The following RASGRF1 variants were observed in gnomAD, a reference collection of about 807,000 sequenced individuals.
RASGRF1 encodes the protein Ras protein specific guanine nucleotide releasing factor 1, also known as ras-specific guanine nucleotide-releasing factor 1.
In RASGRF1, 40 loss-of-function variants were observed where a neutral mutation model predicts 138.7. The ratio of observed to expected loss-of-function variants is 0.29; its 90% confidence interval spans 0.22 to 0.38. The LOEUF (loss-of-function observed/expected upper bound fraction) is 0.38. Among genes scored for constraint, RASGRF1 ranks in the 10% least tolerant of loss-of-function variants. RASGRF1 has a pLI of 1.00. For synonymous variants in RASGRF1, 614 were observed against 663.2 expected (o/e 0.93, Z 1.14); for missense variants, 1,108 against 1,650.4 (o/e 0.67, Z 5.69).
intron 17 of RASGRF1, among the ~76,000 whole-genome samples, chr15:78,999,464 G>C (rs2056469120): frequency 6.6e-6 from 1 of 152,160 alleles, no homozygotes; most frequent in African/African-American, 2.4e-5. Context: ...GCCCCAACCA[G>C]TGCAGAGAGG....
intron 5 of RASGRF1, among the ~76,000 whole-genome samples, chr15:79,035,884 C>G (rs944288645): frequency 1.3e-5 from 2 of 152,222 alleles, no homozygotes; most frequent in African/African-American, 4.8e-5. Context: ...TGTTTGGAAT[C>G]AAAGTCAGAG....
At chr15:78,999,473 G>A (rs1426759421) in intron 17 of RASGRF1, among the ~76,000 whole-genome samples, 3 of 152,146 alleles carry the variant, frequency 2.0e-5, no homozygotes, top group African/African-American at 7.2e-5. Flanking sequence ...AGTGCAGAGA[G>A]GTGGGGGTTG....
intron 5 of RASGRF1, among the ~76,000 whole-genome samples, chr15:79,039,552 T>C (rs912249794): frequency 1.3e-5 from 2 of 152,176 alleles, no homozygotes; most frequent in Non-Finnish European, 2.9e-5. Flanking sequence ...TAGGCTGCAC[T>C]TTGATTGGTA....
intron 1 of RASGRF1, among the ~76,000 whole-genome samples, chr15:79,070,754 A>AT (rs958594113): frequency 6.6e-6 from 1 of 152,182 alleles, no homozygotes; most frequent in African/African-American, 2.4e-5. Flanking sequence ...TTTTATTAAT[A>AT]TTTTTAATAA....
At position 78,962,169 on chromosome 15, in the gene RASGRF1, C is replaced by A; in HGVS notation, c.3749G>T (p.Arg1250Leu). Residue 1250 changes from arginine to leucine, a missense_variant, in exon 27 of 27, where the codon CGA (arginine) becomes CTA (leucine). Physicochemically the swap from Arg to Leu is moderately radical, Grantham distance 102. This residue lies in a region of RASGRF1 where 686 missense variants were observed against 976.7 expected (regional missense o/e 0.70). Coordinates refer to ENST00000558480, the MANE Select transcript of RASGRF1 (RefSeq NM_001145648.3). The stretch of plus-strand genomic sequence containing the variant: ...TCAGGTGGGGAGTTTTGGTTCTATT[C>A]GGAGAGAAGACTCGTAGAGGCTTTC... ...DEESLYESSL[R>L]IEPKLPT The A allele has an allele frequency of 5.7e-6, 9 of 1,585,890 alleles. No homozygotes were observed. The highest frequency in any genetic ancestry group is 1.3e-5 in the African/African-American group (1 of 74,326).
intron 1 of RASGRF1, among the ~76,000 whole-genome samples, chr15:79,070,530 G>A (rs2057741302): frequency 6.6e-6 from 1 of 152,228 alleles, no homozygotes; most frequent in Admixed American, 6.5e-5. Context: ...AATGACAGGT[G>A]TAGGTGGCAT....
At chr15:79,025,193 T>C (rs2057029166) in intron 10 of RASGRF1, 121 bp downstream of exon 10, 1 of 1,126,258 alleles carries the variant, frequency 8.9e-7, no homozygotes, top group Non-Finnish European at 1.2e-6. Context: ...TCTGTGTGTG[T>C]GTGCATGCAC....
At chr15:79,040,748 G>A (rs2057287334) in intron 5 of RASGRF1, among the ~76,000 whole-genome samples, 2 of 152,162 alleles carry the variant, frequency 1.3e-5, no homozygotes, top group African/African-American at 4.8e-5. Flanking sequence ...TTTATCATAT[G>A]TTCTATAACA....
At chr15:79,078,942 C>G (rs962777535) in intron 1 of RASGRF1, among the ~76,000 whole-genome samples, 1 of 152,246 alleles carries the variant, frequency 6.6e-6, no homozygotes, top group Admixed American at 6.5e-5. Context: ...CCCTGCCTGG[C>G]CTCGCTGGGA....
At chr15:78,993,915 C>T (rs3784530) in intron 20 of RASGRF1, among the ~76,000 whole-genome samples, 61,951 of 152,062 alleles carry the variant, frequency 0.41, 13,006 homozygotes, top group African/African-American at 0.43. Flanking sequence ...CAACTTCCTC[C>T]ACCTTTTATA....
intron 15 of RASGRF1, among the ~76,000 whole-genome samples, chr15:79,003,296 C>T (rs182274690): frequency 1.3e-5 from 2 of 152,356 alleles, no homozygotes; most frequent in East Asian, 3.9e-4. Flanking sequence ...TGTTCCCACC[C>T]CAACCTCTGT....
At chr15:79,059,891 A>G (rs1395580643) in intron 2 of RASGRF1, among the ~76,000 whole-genome samples, 1 of 152,098 alleles carries the variant, frequency 6.6e-6, no homozygotes, top group Non-Finnish European at 1.5e-5. Context: ...AATAAAAACT[A>G]AATTGGGAAT....
chr15:79,068,529 A>G (rs1176245276), intron 1 of RASGRF1, among the ~76,000 whole-genome samples: 1 of 149,010 alleles, frequency 6.7e-6, no homozygotes, highest in African/African-American at 2.4e-5. Flanking sequence ...ATAAGTATAT[A>G]TATACATACA....
chr15:78,999,944 GT>G (rs1484572455), intron 16 of RASGRF1, 31 bp from the exon 17 acceptor site: 3 of 1,602,104 alleles, frequency 1.9e-6, no homozygotes, highest in Non-Finnish European at 2.6e-6. Context: ...ACCCTCAGCT[GT>G]CCCCAGTCCC....
chr15:78,999,947 C>G, intron 16 of RASGRF1, 34 bp from the exon 17 acceptor site: 4 of 1,600,638 alleles, frequency 2.5e-6, no homozygotes, highest in Non-Finnish European at 3.4e-6. Flanking sequence ...CTCAGCTGTC[C>G]CCAGTCCCAA....
At chr15:79,033,046 C>G (rs1278316888) in intron 6 of RASGRF1, among the ~76,000 whole-genome samples, 1 of 152,152 alleles carries the variant, frequency 6.6e-6, no homozygotes, top group Non-Finnish European at 1.5e-5. Context: ...GTTCATCTGC[C>G]ATTGTCCAAG....
intron 24 of RASGRF1, chr15:78,978,635 T>C: frequency 1.0e-6 from 1 of 1,000,252 alleles, no homozygotes; most frequent in Non-Finnish European, 1.2e-6. Context: ...GGGAGGTCAT[T>C]GGCTATGCCC....
chr15:78,991,896 T>G, intron 20 of RASGRF1, 102 bp from the exon 21 acceptor site: 5 of 813,194 alleles, frequency 6.1e-6, no homozygotes, highest in Non-Finnish European at 1.0e-5. Flanking sequence ...TCGAATTGGG[T>G]GGGCGGGTGG....
intron 1 of RASGRF1, among the ~76,000 whole-genome samples, chr15:79,068,487 A>G (rs1333264074): frequency 1.5e-5 from 1 of 66,262 alleles, no homozygotes; most frequent in Non-Finnish European, 2.7e-5. Flanking sequence ...ATATATATAT[A>G]TATATACACA....
Sources: allele counts gnomAD v4.1 joint callset (sites outside exome capture counted in the v4.1 genomes callset), GRCh38; gene constraint gnomAD v4.1.1; regional missense constraint gnomAD v4.1.1; transcripts MANE v1.5; gene names NCBI Gene and HGNC (gene_info 2026-07-23, HGNC 2026-07-21).